Variants in SCUBE2 observed in about 807,000 individuals in gnomAD.
The protein encoded by SCUBE2 is signal peptide, CUB and EGF-like domain-containing protein 2.
Under a neutral mutation model 125.9 loss-of-function variants are expected in SCUBE2, and 114 were observed. The observed-to-expected ratio is 0.91, with a 90% confidence interval of 0.78 to 1.06. SCUBE2 has a LOEUF of 1.06. SCUBE2 is among the 50% of genes least tolerant of loss of function. The pLI, the probability that SCUBE2 is intolerant of heterozygous loss-of-function variation, is 0.00. For missense variants in SCUBE2, 1,255 were observed against 1,301.8 expected, an observed-to-expected ratio of 0.96 and a Z score of 0.55; for synonymous variants, 459 against 492.9, an observed-to-expected ratio of 0.93 and a Z score of 0.91.
chr11:9,032,287 G>T (rs1856374821), intron 17 of SCUBE2, among the ~76,000 whole-genome samples: 1 of 151,562 alleles, frequency 6.6e-6, no homozygotes, highest in Non-Finnish European at 1.5e-5. Flanking sequence ...GCTATTTTTT[G>T]TTTTTTTTAA....
intron 19 of SCUBE2, among the ~76,000 whole-genome samples, chr11:9,028,602 G>A (rs914832475): frequency 1.3e-5 from 2 of 152,216 alleles, no homozygotes; most frequent in Admixed American, 6.5e-5. Context: ...ATCTGTGCAA[G>A]AGAAGATGTT....
chr11:9,044,683 C>T (rs1286495149), intron 16 of SCUBE2, among the ~76,000 whole-genome samples: 1 of 152,186 alleles, frequency 6.6e-6, no homozygotes, highest in Non-Finnish European at 1.5e-5. Context: ...GATCAGGGTC[C>T]TCCCTGGTTT....
At chr11:9,059,275 G>A (rs756725939) in intron 9 of SCUBE2, 28 bp downstream of exon 9, 20 of 1,610,000 alleles carry the variant, frequency 1.2e-5, no homozygotes, top group East Asian at 1.1e-4. Context: ...GGGCCATTGC[G>A]CAGCACAGCT....
At chr11:9,059,274 C>T (rs1010282740) in intron 9 of SCUBE2, 29 bp downstream of exon 9, 11 of 1,609,890 alleles carry the variant, frequency 6.8e-6, no homozygotes, top group South Asian at 6.6e-5. Context: ...TGGGCCATTG[C>T]GCAGCACAGC....
chr11:9,084,697 A>T (rs1457127378), intron 2 of SCUBE2, among the ~76,000 whole-genome samples: 1 of 152,096 alleles, frequency 6.6e-6, no homozygotes, highest in East Asian at 1.9e-4. Flanking sequence ...CTGGCCAAAA[A>T]CTCATAACCT....
intron 9 of SCUBE2, 145 bp downstream of exon 9, chr11:9,059,158 T>G (rs1439914572): frequency 1.2e-5 from 11 of 916,606 alleles, no homozygotes; most frequent in Non-Finnish European, 1.8e-5. Context: ...ACCTAATAGA[T>G]GAAATGAGTG....
At chr11:9,033,596 G>A in intron 17 of SCUBE2, 30 bp downstream of exon 17, 1 of 1,602,670 alleles carries the variant, frequency 6.2e-7, no homozygotes, top group Middle Eastern at 2.0e-4. Context: ...AGAGATGGGA[G>A]GAGTAGGAAG....
chr11:9,057,395 A>G (rs552860197), intron 9 of SCUBE2: 2 of 152,216 alleles, frequency 1.3e-5, no homozygotes, highest in Non-Finnish European at 1.5e-5. Flanking sequence ...CAAATTATGC[A>G]TTAAGAACAA....
chr11:9,032,455 C>T (rs943530691), intron 17 of SCUBE2, among the ~76,000 whole-genome samples: 4 of 152,012 alleles, frequency 2.6e-5, no homozygotes, highest in South Asian at 2.1e-4. Context: ...TCACATAGGC[C>T]GGGTGCAGTG....
At chr11:9,077,268 G>T (rs1016176715) in intron 3 of SCUBE2, among the ~76,000 whole-genome samples, 1 of 151,976 alleles carries the variant, frequency 6.6e-6, no homozygotes, top group Non-Finnish European at 1.5e-5. Flanking sequence ...CTAGGTGATG[G>T]TTTTTTTTAA....
chr11:9,060,902 G>A (rs759295079), intron 7 of SCUBE2, among the ~76,000 whole-genome samples: 2 of 152,172 alleles, frequency 1.3e-5, no homozygotes, highest in Non-Finnish European at 2.9e-5. Flanking sequence ...TCTTAATCTT[G>A]AACCTTCTCC....
At chr11:9,044,026 T>C (rs1247339168) in intron 16 of SCUBE2, among the ~76,000 whole-genome samples, 1 of 152,188 alleles carries the variant, frequency 6.6e-6, no homozygotes, top group Non-Finnish European at 1.5e-5. Context: ...ATATTGGCCA[T>C]GTGTACAAAG....
At chr11:9,037,310 A>G (rs1566177504) in intron 16 of SCUBE2, among the ~76,000 whole-genome samples, 1 of 152,198 alleles carries the variant, frequency 6.6e-6, no homozygotes, top group Non-Finnish European at 1.5e-5. Context: ...TCTCATTCTC[A>G]AATCCCACAC....
rs761718889 is a variant in SCUBE2 at position 9,021,083 on chromosome 11, G to A, written c.3049C>T (p.Arg1017Cys). Residue 1017 changes from arginine (R) to cysteine (C), a missense_variant, in exon 23 of 23, where the codon CGT becomes TGT. Physicochemically the swap from Arg to Cys is radical, Grantham distance 180. This residue lies in a region of SCUBE2 where 515 missense variants were observed against 515.7 expected (regional missense o/e 1.00). Transcript: ENST00000649792. ...MFPRSFIRLLRSKVSRFLRPY... is the reference protein window; with the variant it reads ...MFPRSFIRLLCSKVSRFLRPY... Reference sequence around the variant, plus strand: ...CTCAAAAACCTGGACACTTTGGAACGTAGCAATCGGATGAACGATCTTGGA... The same window carrying A: ...CTCAAAAACCTGGACACTTTGGAACATAGCAATCGGATGAACGATCTTGGA... The A allele has an allele frequency of 8.1e-6, 13 of 1,613,550 alleles. No homozygotes were observed. The highest frequency in any genetic ancestry group is 4.4e-5 in the South Asian group (4 of 90,924).
intron 16 of SCUBE2, among the ~76,000 whole-genome samples, chr11:9,044,475 T>G (rs1023488057): frequency 2.0e-5 from 3 of 152,020 alleles, no homozygotes; most frequent in Non-Finnish European, 4.4e-5. Context: ...GAAGTGATCC[T>G]CCCACCTCGG....
Position 9,053,629 on chromosome 11 carries a change from C to T in SCUBE2, c.1330+8G>A. The stretch of plus-strand genomic sequence containing the variant: ...TGCTGTCTGAGTCTGTGCCTCGGTT[C>T]CCCTTACCCACACAGTCTTTTTTAT... On this transcript the variant is annotated splice_region_variant and intron_variant, in intron 11 of 22. Transcript: ENST00000649792. 1 of 1,613,538 alleles carries T rather than the reference C, an allele frequency of 6.2e-7. No homozygotes were observed. Among genetic ancestry groups the T allele is most frequent in the Non-Finnish European group, 8.5e-7 (1 of 1,179,718 alleles).
At chr11:9,022,034 TC>T in intron 21 of SCUBE2, 79 bp from the exon 22 acceptor site, 1 of 1,059,278 alleles carries the variant, frequency 9.4e-7, no homozygotes, top group Non-Finnish European at 1.5e-6. Flanking sequence ...TTGATAAGGT[TC>T]TGAGAAATGC....
chr11:9,034,305 C>T (rs1590018333), intron 16 of SCUBE2, among the ~76,000 whole-genome samples: 3 of 152,154 alleles, frequency 2.0e-5, no homozygotes, highest in East Asian at 3.9e-4. Flanking sequence ...GGAAAGGGGG[C>T]AGGTTCTAAA....
chr11:9,054,725 A>ATATATATATATAT (rs1368153935), intron 10 of SCUBE2, among the ~76,000 whole-genome samples: 5 of 22,340 alleles, frequency 2.2e-4, no homozygotes, highest in South Asian at 3.0e-3. Flanking sequence ...ATATATATAT[A>ATATATATATATAT]TTTTTTTTTT....
Sources: gnomAD v4.1 joint callset for allele counts (sites outside exome capture counted in the v4.1 genomes callset) on GRCh38, gnomAD v4.1.1 for gene constraint, gnomAD v4.1.1 regional missense constraint, MANE v1.5 for transcripts, NCBI Gene and HGNC (gene_info 2026-07-23, HGNC 2026-07-21) for gene names.